SRGAP2: variants seen among roughly 807,000 people sequenced by gnomAD.
SRGAP2 encodes SLIT-ROBO Rho GTPase-activating protein 2.
Under a neutral mutation model 57.2 loss-of-function variants are expected in SRGAP2, and 15 were observed. That is an observed-to-expected ratio of 0.26 (90% CI 0.18 to 0.40). The LOEUF is 0.40. Ranked by LOEUF, SRGAP2 falls within the 10% of genes least tolerant of loss-of-function variation. The probability of loss-of-function intolerance (pLI) is 1.00; values close to 1 mark genes in which losing one functional copy is unlikely to be tolerated. For synonymous variants in SRGAP2, 249 were observed against 248.0 expected (o/e 1.00, Z -0.04); for missense variants, 520 against 669.6 (o/e 0.78, Z 2.47).
Position 206,463,755 on chromosome 1 carries a change from G to A in SRGAP2, c.*2335G>A, listed in dbSNP as rs539497345. On this transcript the variant is annotated 3_prime_UTR_variant, in exon 23 of 23. Transcript: ENST00000573034. Reference sequence around the variant, plus strand: ...TGGTGCTCCTAACACCTGTGAGATGGTCCTGTCGAGAGGACTAGGAACCGA... The same window carrying A: ...TGGTGCTCCTAACACCTGTGAGATGATCCTGTCGAGAGGACTAGGAACCGA... 1 of 152,746 alleles carries A rather than the reference G, an allele frequency of 6.5e-6. No individual in the cohort carries two copies. The highest frequency in any genetic ancestry group is 1.9e-4 in the East Asian group (1 of 5,180). 9.5% of individuals were successfully genotyped at this position (152,746 alleles called of 1,614,324 possible). A position where few individuals can be genotyped will look rare whatever the true frequency, so the allele number is the denominator to read the frequency against.
rs1255862252 is a variant in SRGAP2, at chr1:206,392,151, G to A, written c.487-538G>A. ...TGAGAGGGTGTTTGATCTGGATAAA[G>A]CAGAACAGACAGATCCCCAGAATGC... On this transcript the variant is annotated intron_variant, in intron 5 of 22. Coordinates refer to ENST00000573034, the MANE Select transcript of SRGAP2 (RefSeq NM_015326.5). 2.6e-5 allele frequency among the ~76,000 whole-genome samples: 4 copies of A among 152,042 alleles called. No individual in the cohort carries two copies. In the East Asian group the frequency reaches 5.8e-4, roughly 22 times the overall value.
At chr1:206,303,888 TCACA>T (rs1172123806) in intron 3 of SRGAP2, among the ~76,000 whole-genome samples, 7,716 of 138,374 alleles carry the variant, frequency 0.056, 89 homozygotes, top group South Asian at 0.1. Flanking sequence ...TCTCTCTCTC[TCACA>T]CACACACACA....
intron 3 of SRGAP2, chr1:206,333,525 G>A (rs368101758): frequency 1.3e-4 from 133 of 1,033,950 alleles, no homozygotes; most frequent in African/African-American, 2.8e-4. Context: ...CTCTACCTCC[G>A]TCTCTATTTA....
At chr1:206,443,073 T>G (rs1662452311) in intron 17 of SRGAP2, among the ~76,000 whole-genome samples, 1 of 152,194 alleles carries the variant, frequency 6.6e-6, no homozygotes, top group South Asian at 2.1e-4. Context: ...ATTAAAAAGT[T>G]AAAAATCCAG....
At chr1:206,249,598 T>G in intron 2 of SRGAP2, among the ~76,000 whole-genome samples, 2 of 145,838 alleles carry the variant, frequency 1.4e-5, no homozygotes, top group African/African-American at 2.6e-5. Context: ...TGTCGGGGGG[T>G]GAGAGGCAAG....
At chr1:206,260,313 C>A (rs2102620393) in intron 2 of SRGAP2, among the ~76,000 whole-genome samples, 1 of 144,024 alleles carries the variant, frequency 6.9e-6, no homozygotes, top group Non-Finnish European at 1.5e-5. Flanking sequence ...ATTACCTAGT[C>A]CCAAAGTGGA....
intron 10 of SRGAP2, among the ~76,000 whole-genome samples, chr1:206,414,939 A>G (rs1039363464): frequency 7.2e-5 from 11 of 152,244 alleles, no homozygotes; most frequent in Non-Finnish European, 1.5e-4. Flanking sequence ...CCTGCTCTGT[A>G]CCATGATGGA....
chr1:206,429,719 C>T (rs1661121087), intron 13 of SRGAP2, among the ~76,000 whole-genome samples: 2 of 152,084 alleles, frequency 1.3e-5, no homozygotes, highest in Non-Finnish European at 2.9e-5. Flanking sequence ...ATGAAATGTG[C>T]CCTTTTAAGA....
intron 5 of SRGAP2, among the ~76,000 whole-genome samples, chr1:206,386,325 C>T (rs1444477688): frequency 6.0e-5 from 9 of 151,034 alleles, no homozygotes; most frequent in African/African-American, 2.2e-4. Flanking sequence ...AGATTCTACC[C>T]TGTCTTGACT....
chr1:206,291,554 A>G (rs1483846427), intron 2 of SRGAP2, among the ~76,000 whole-genome samples: 67 of 151,848 alleles, frequency 4.4e-4, no homozygotes, highest in Middle Eastern at 3.4e-3. Flanking sequence ...GTTTTTCTGA[A>G]TGCGGTCTAT....
Position 206,309,822 on chromosome 1 carries a change from A to T in SRGAP2, c.260+6349A>T, listed in dbSNP as rs529148750. On this transcript the variant is annotated intron_variant, in intron 3 of 22. Coordinates refer to ENST00000573034, the MANE Select transcript of SRGAP2 (RefSeq NM_015326.5). ...TAAAAGTGATTGTGGGAGAGATGAAAGTATATGAATTCAGGGAAGAGAAAG... is the reference window on the plus strand; with the variant it reads ...TAAAAGTGATTGTGGGAGAGATGAATGTATATGAATTCAGGGAAGAGAAAG... Among the ~76,000 whole-genome samples the T allele has an allele frequency of 5.8e-3, 877 of 151,278 alleles. 22 individuals are homozygous for T. Among genetic ancestry groups the T allele is most frequent in the African/African-American group, 0.02 (826 of 40,590 alleles).
intron 2 of SRGAP2, chr1:206,214,784 C>T (rs1252049699): frequency 7.0e-6 from 1 of 142,650 alleles, no homozygotes; most frequent in African/African-American, 2.6e-5. Flanking sequence ...AAGAGTGAAA[C>T]TCCATCTCAA....
At position 206,327,682 on chromosome 1, in the gene SRGAP2, A is replaced by T. The variant is rs534611821; in HGVS notation, c.261-15164A>T. Among the ~76,000 whole-genome samples the T allele has an allele frequency of 1.3e-4, 15 of 114,358 alleles. No individual in the cohort carries two copies. In the South Asian group the frequency reaches 4.1e-3, roughly 31 times the overall value. The allele number at this position is 114,358 out of a possible 152,430, so 75.0% of individuals were successfully genotyped here. A position where few individuals can be genotyped will look rare whatever the true frequency, so the allele number is the denominator to read the frequency against. Reference sequence around the variant, plus strand: ...TTATTTATTTATTTTTTATTTATTTATTTTTTTAAAAGATAAACAGTTATT... The same window carrying T: ...TTATTTATTTATTTTTTATTTATTTTTTTTTTTAAAAGATAAACAGTTATT... On this transcript the variant is annotated intron_variant, in intron 3 of 22. Transcript: ENST00000573034.
chr1:206,420,180 C>T (rs1660174039), intron 12 of SRGAP2, among the ~76,000 whole-genome samples: 1 of 152,130 alleles, frequency 6.6e-6, no homozygotes, highest in Admixed American at 6.5e-5. Flanking sequence ...CTTATATCTG[C>T]CAAAACACAT....
intron 2 of SRGAP2, among the ~76,000 whole-genome samples, chr1:206,243,663 GAA>G (rs1442272129): frequency 6.6e-6 from 1 of 152,210 alleles, no homozygotes; most frequent in African/African-American, 2.4e-5. Flanking sequence ...GATCTAGAGA[GAA>G]AGGGCAGATG....
chr1:206,439,935 C>T, intron 16 of SRGAP2, 41 bp from the exon 17 acceptor site: 1 of 774,620 alleles, frequency 1.3e-6, no homozygotes. Flanking sequence ...CCTGGGATCC[C>T]AGTCATAGTG....
At chr1:206,391,084 A>T (rs1213485202) in intron 5 of SRGAP2, among the ~76,000 whole-genome samples, 2 of 151,880 alleles carry the variant, frequency 1.3e-5, no homozygotes, top group Middle Eastern at 3.2e-3. Flanking sequence ...TGTCCTGTGC[A>T]TGGGATGTTC....
At chr1:206,240,654 A>G (rs1200253910) in intron 2 of SRGAP2, among the ~76,000 whole-genome samples, 1 of 151,938 alleles carries the variant, frequency 6.6e-6, no homozygotes, top group Non-Finnish European at 1.5e-5. Flanking sequence ...AACAAAACAA[A>G]CATAGCAACT....
At chr1:206,448,453 G>T (rs2480404) in intron 18 of SRGAP2, among the ~76,000 whole-genome samples, 2,588 of 152,270 alleles carry the variant, frequency 0.017, 75 homozygotes, top group African/African-American at 0.059. Flanking sequence ...TTCAAGAGAA[G>T]CATAGGATTT....
Sources: gnomAD v4.1 joint callset for allele counts (sites outside exome capture counted in the v4.1 genomes callset) on GRCh38, gnomAD v4.1.1 for gene constraint, MANE v1.5 for transcripts, NCBI Gene and HGNC (gene_info 2026-07-23, HGNC 2026-07-21) for gene names.